Variants in CCDC174 observed in about 807,000 individuals in gnomAD.
CCDC174 encodes coiled-coil domain-containing protein 174.
A neutral mutation model predicts 57.1 loss-of-function variants in CCDC174; 37 were observed. The ratio of observed to expected loss-of-function variants is 0.65; its 90% CI spans 0.50 to 0.85. The LOEUF is 0.85. CCDC174 is among the 40% of genes least tolerant of loss of function. The pLI is 0.00. For missense variants in CCDC174, 540 were observed against 574.3 expected, an observed-to-expected ratio of 0.94 and a Z score of 0.61; for synonymous variants, 182 against 190.2, an observed-to-expected ratio of 0.96 and a Z score of 0.35.
Position 14,666,891 on chromosome 3 carries a change from GA to G in CCDC174, c.669del (p.Glu224ArgfsTer3). ...CGCCAGCAATGGGAGGAAGAAGAAAGAGAGGCCCTGAAGAGGCCCATGGGGC... is the reference window on the plus strand; with the variant it reads ...CGCCAGCAATGGGAGGAAGAAGAAAGGAGGCCCTGAAGAGGCCCATGGGGC... ...LQRQQWEEEEREALKRPMGPV... is the reference protein window; with the variant it reads ...LQRQQWEEEEXEALKRPMGPV... On this transcript the variant is annotated frameshift_variant, in exon 7 of 11. Transcript: ENST00000383794. LOFTEE classifies it high-confidence loss of function. The G allele has an allele frequency of 6.2e-7, 1 of 1,608,060 alleles. No homozygotes were observed. Among genetic ancestry groups the G allele is most frequent in the Non-Finnish European group, 8.5e-7 (1 of 1,178,334 alleles).
At chr3:14,657,876 T>C (rs1401726408) in intron 3 of CCDC174, among the ~76,000 whole-genome samples, 1 of 152,246 alleles carries the variant, frequency 6.6e-6, no homozygotes, top group Non-Finnish European at 1.5e-5. Context: ...TCAGTTAGTG[T>C]CCTGCCCACT....
chr3:14,661,460 T>A (rs2031131812), intron 4 of CCDC174, 70 bp from the exon 5 acceptor site: 3 of 1,372,456 alleles, frequency 2.2e-6, no homozygotes, highest in African/African-American at 1.4e-5. Context: ...GCAATGAATG[T>A]GACTGCTTCT....
chr3:14,671,066 GA>G lies in CCDC174; in HGVS notation c.1277del (p.Asp426AlafsTer34). 6.2e-7 allele frequency: 1 copy of G among 1,614,130 alleles called. No homozygotes were observed. Among genetic ancestry groups the G allele is most frequent in the African/African-American group, 1.3e-5 (1 of 75,018 alleles). On this transcript the variant is annotated frameshift_variant, in exon 11 of 11. Transcript: ENST00000383794. LOFTEE classifies it low-confidence loss of function (END_TRUNC). ...ACAGAGTGACCCAGGGCAGTGCCCT[GA>G]CCAGAGCCACGGACCTAGCCCTGAA... ...PAQSDPGQCPDQSHGPSPEHT... is the reference protein window; with the variant it reads ...PAQSDPGQCPXQSHGPSPEHT...
chr3:14,662,751 A>C (rs578245296), intron 5 of CCDC174, among the ~76,000 whole-genome samples: 20 of 152,286 alleles, frequency 1.3e-4, no homozygotes, highest in African/African-American at 4.8e-4. Context: ...GCAGGCGTTC[A>C]TCTTTTGTCA....
chr3:14,668,451 G>C (rs1036682900), intron 9 of CCDC174, among the ~76,000 whole-genome samples: 4 of 152,106 alleles, frequency 2.6e-5, no homozygotes, highest in African/African-American at 9.7e-5. Context: ...ACTTAGTAAA[G>C]AGATATTTTA....
intron 3 of CCDC174, 118 bp downstream of exon 3, chr3:14,655,747 C>A: frequency 1.8e-6 from 1 of 562,360 alleles, no homozygotes; most frequent in African/African-American, 1.9e-5. Context: ...CCTTCTAGCC[C>A]AATGCTCTAA....
chr3:14,657,736 C>T (rs6803493), intron 3 of CCDC174, among the ~76,000 whole-genome samples: 118,380 of 152,066 alleles, frequency 0.78, 48,027 homozygotes, highest in South Asian at 0.9. Context: ...TCAAGCTCAT[C>T]CTCACTTAAT....
At chr3:14,668,794 C>A (rs2031423556) in intron 9 of CCDC174, among the ~76,000 whole-genome samples, 1 of 152,214 alleles carries the variant, frequency 6.6e-6, no homozygotes, top group Admixed American at 6.5e-5. Context: ...TGTTTCTCTA[C>A]TTAACAACTT....
Position 14,661,508 on chromosome 3 carries a change from A to G in CCDC174, c.308-22A>G. The G allele has an allele frequency of 2.5e-6, 4 of 1,577,778 alleles. No homozygotes were observed. The South Asian group carries it at 3.5e-5, about 14-fold the overall frequency. On this transcript the variant is annotated intron_variant, in intron 4 of 10. Transcript: ENST00000383794. ...GTGTGATTTTCCTTTTTGATGTCTG[A>G]AAACTGATTTTTATGTCCTAGATGA...
At chr3:14,663,517 C>A (rs2031221266) in intron 5 of CCDC174, among the ~76,000 whole-genome samples, 1 of 152,120 alleles carries the variant, frequency 6.6e-6, no homozygotes, top group African/African-American at 2.4e-5. Flanking sequence ...CTTCCCTAGA[C>A]CCTTGGAAGA....
intron 1 of CCDC174, among the ~76,000 whole-genome samples, chr3:14,652,531 T>C (rs1472607247): frequency 2.0e-5 from 3 of 152,208 alleles, no homozygotes; most frequent in Non-Finnish European, 4.4e-5. Context: ...AGGTAGGTGC[T>C]ATTAATATCT....
At chr3:14,661,223 G>C (rs2031124115) in intron 4 of CCDC174, among the ~76,000 whole-genome samples, 1 of 152,208 alleles carries the variant, frequency 6.6e-6, no homozygotes. Flanking sequence ...GATGTAATTG[G>C]TTGGATGAGT....
In CCDC174 at chr3:14,661,791, G is replaced by A. The variant is rs2031149231; in HGVS notation, c.485+84G>A. ...GGAGTGATTTTGTTGGGTTGTTATC[G>A]AGCCATTTCTCTTTATTCTTCCTGG... On this transcript the variant is annotated intron_variant, in intron 5 of 10. Transcript: ENST00000383794. 15 of 1,199,696 alleles carry A rather than the reference G, an allele frequency of 1.3e-5. No homozygotes were observed. The South Asian group carries it at 1.5e-4, about 12-fold the overall frequency. The allele number at this position is 1,199,696 out of a possible 1,614,324, so 74.3% of individuals were successfully genotyped here.
Position 14,661,692 on chromosome 3 carries a change from A to G in CCDC174, c.470A>G (p.Asp157Gly). ...GAGGGAGAGATCCCTCCTCCCCAAGACCCCAGTGAAGAATGGTTGGTAACA... is the reference window on the plus strand; with the variant it reads ...GAGGGAGAGATCCCTCCTCCCCAAGGCCCCAGTGAAGAATGGTTGGTAACA... ...LPEGEIPPPQ[D>G]PSEEWVDYVD... Residue 157 changes from aspartate to glycine, a missense_variant, in exon 5 of 11, where the codon GAC becomes GGC. Transcript: ENST00000383794. The G allele has an allele frequency of 1.2e-6, 2 of 1,612,164 alleles. No homozygotes were observed. Among genetic ancestry groups the G allele is most frequent in the Non-Finnish European group, 1.7e-6 (2 of 1,179,394 alleles).
chr3:14,653,899 T>A (rs943361365), intron 1 of CCDC174, among the ~76,000 whole-genome samples: 7 of 152,272 alleles, frequency 4.6e-5, no homozygotes, highest in Admixed American at 4.6e-4. Flanking sequence ...TGTGCTACTT[T>A]CTTCCACTCT....
At chr3:14,670,152 A>G in intron 10 of CCDC174, 66 bp downstream of exon 10, 1 of 1,511,854 alleles carries the variant, frequency 6.6e-7, no homozygotes, top group Non-Finnish European at 8.9e-7. Flanking sequence ...TTTTTCTAGA[A>G]GCACTTGGGG....
At chr3:14,663,600 C>T (rs1324620907) in intron 5 of CCDC174, among the ~76,000 whole-genome samples, 1 of 152,146 alleles carries the variant, frequency 6.6e-6, no homozygotes, top group African/African-American at 2.4e-5. Flanking sequence ...AGGGGTTGCT[C>T]AGTGGGTGAT....
intron 4 of CCDC174, among the ~76,000 whole-genome samples, chr3:14,661,329 G>A (rs1401406217): frequency 1.6e-5 from 2 of 124,742 alleles, no homozygotes; most frequent in African/African-American, 2.5e-5. Flanking sequence ...GAAAACTTTA[G>A]GCTTTTTCAA....
chr3:14,660,025 T>C (rs1184102652), intron 4 of CCDC174, among the ~76,000 whole-genome samples: 2 of 152,096 alleles, frequency 1.3e-5, no homozygotes, highest in Non-Finnish European at 1.5e-5. Context: ...AGGGGCACTT[T>C]CCCTGTATAG....
Sources: gnomAD v4.1 joint callset for allele counts (sites outside exome capture counted in the v4.1 genomes callset) on GRCh38, gnomAD v4.1.1 for gene constraint, MANE v1.5 for transcripts, NCBI Gene and HGNC (gene_info 2026-07-23, HGNC 2026-07-21) for gene names.